Variants in KIAA1671 observed in about 807,000 individuals in gnomAD.
The protein encoded by KIAA1671 is KIAA1671.
In KIAA1671, 52 loss-of-function variants were observed where a neutral mutation model predicts 131.2. That is an observed-to-expected ratio of 0.40 (90% CI 0.32 to 0.50). KIAA1671 has a LOEUF of 0.50. KIAA1671 is among the 20% of genes least tolerant of loss of function. The pLI is 0.73. For synonymous variants in KIAA1671, 1,003 were observed against 961.6 expected, an observed-to-expected ratio of 1.04 and a Z score of -0.80; for missense variants, 2,360 against 2,364.2, an observed-to-expected ratio of 1.00 and a Z score of 0.04.
rs1041638333 is a variant in KIAA1671 at position 25,039,380 on chromosome 22, G to C, written c.2250G>C (p.Pro750=). Reference sequence around the variant, plus strand: ...GTGTGCACAGCGAGGCCATCTCACCGGCACCGGAGGAGAAAGCGGTCACGC... The same window carrying C: ...GTGTGCACAGCGAGGCCATCTCACCCGCACCGGAGGAGAAAGCGGTCACGC... ...GERVHSEAIS[P]APEEKAVTLR... The change falls in exon 5 of 13, where the codon CCG becomes CCC. Residue 750 remains proline, a synonymous_variant. Transcript: ENST00000358431. 27 of 1,551,704 alleles carry C rather than the reference G, an allele frequency of 1.7e-5. No individual in the cohort carries two copies. Among genetic ancestry groups the C allele is most frequent in the Middle Eastern group, 3.3e-4 (2 of 6,014 alleles).
chr22:25,085,202 T>G (rs1247178257), intron 6 of KIAA1671, among the ~76,000 whole-genome samples: 1 of 152,206 alleles, frequency 6.6e-6, no homozygotes, highest in Admixed American at 6.5e-5. Context: ...GCCAGGGACT[T>G]CATGTGGACG....
intron 6 of KIAA1671, chr22:25,069,967 G>A (rs150835666): frequency 2.1e-4 from 37 of 173,608 alleles, no homozygotes; most frequent in East Asian, 1.4e-3. Context: ...ACACACACAC[G>A]CGTGCACACA....
intron 6 of KIAA1671, among the ~76,000 whole-genome samples, chr22:25,075,059 A>G (rs1187216910): frequency 1.3e-5 from 2 of 152,224 alleles, no homozygotes; most frequent in Non-Finnish European, 2.9e-5. Context: ...TACTATAACC[A>G]TGGTTCAGTT....
At chr22:25,108,341 G>A (rs1264517723) in intron 6 of KIAA1671, among the ~76,000 whole-genome samples, 1 of 152,214 alleles carries the variant, frequency 6.6e-6, no homozygotes, top group Non-Finnish European at 1.5e-5. Context: ...TATTTCTGGT[G>A]TGACTTTTCT....
In KIAA1671 at chr22:25,171,006, C is replaced by T. The variant is rs535104086; in HGVS notation, c.4649+68C>T. 4.2e-5 allele frequency: 52 copies of T among 1,232,794 alleles called. No individual in the cohort carries two copies. The South Asian group carries it at 5.7e-4, about 13-fold the overall frequency. The allele number at this position is 1,232,794 out of a possible 1,614,324, so 76.4% of individuals were successfully genotyped here. ...TGGGCTGGAGTTGCTGCAGCCCACCCACCTCCTGATTTCTATATTGCTAAA... is the reference window on the plus strand; with the variant it reads ...TGGGCTGGAGTTGCTGCAGCCCACCTACCTCCTGATTTCTATATTGCTAAA... On this transcript the variant is annotated intron_variant, in intron 7 of 12. Coordinates refer to ENST00000358431, the MANE Select transcript of KIAA1671 (RefSeq NM_001145206.2).
At chr22:25,134,800 C>G (rs1415682322) in intron 6 of KIAA1671, among the ~76,000 whole-genome samples, 2 of 152,204 alleles carry the variant, frequency 1.3e-5, no homozygotes, top group Admixed American at 1.3e-4. Flanking sequence ...CTTGCCAGCT[C>G]TGTAACCTGG....
chr22:25,000,622 T>A (rs970406018), intron 1 of KIAA1671, among the ~76,000 whole-genome samples: 17 of 151,812 alleles, frequency 1.1e-4, no homozygotes, highest in Non-Finnish European at 2.4e-4. Flanking sequence ...GTTCAAACTA[T>A]TCTCATGCCT....
intron 6 of KIAA1671, among the ~76,000 whole-genome samples, chr22:25,085,792 AG>A (rs2145870847): frequency 1.0e-5 from 1 of 99,748 alleles, no homozygotes; most frequent in African/African-American, 3.9e-5. Flanking sequence ...GAAGGGAGGG[AG>A]GGAGGGAGGG....
chr22:25,005,058 T>C (rs1924673157), intron 1 of KIAA1671, among the ~76,000 whole-genome samples: 1 of 146,884 alleles, frequency 6.8e-6, no homozygotes, highest in South Asian at 2.2e-4. Flanking sequence ...ATATTAGAAA[T>C]GGAAAGGTTG....
intron 1 of KIAA1671, among the ~76,000 whole-genome samples, chr22:24,997,507 T>TA (rs1924200216): frequency 1.3e-5 from 2 of 152,032 alleles, no homozygotes; most frequent in Non-Finnish European, 2.9e-5. Flanking sequence ...ATAAGTGAGT[T>TA]AGGAGCTGGG....
chr22:25,178,299 A>C (rs1234741677), intron 9 of KIAA1671, among the ~76,000 whole-genome samples: 1 of 152,154 alleles, frequency 6.6e-6, no homozygotes. Context: ...CTGGGTGCCA[A>C]GTGGGAAGGG....
At chr22:25,081,307 C>CA (rs1929393319) in intron 6 of KIAA1671, among the ~76,000 whole-genome samples, 1 of 152,214 alleles carries the variant, frequency 6.6e-6, no homozygotes. Flanking sequence ...GCTTCAGAGT[C>CA]AGACAGATGT....
At position 24,952,985 on chromosome 22, in the gene KIAA1671, G is replaced by C. The variant is rs892562456; in HGVS notation, c.-208+213G>C. On this transcript the variant is annotated intron_variant, in intron 1 of 12. Coordinates refer to ENST00000358431, the MANE Select transcript of KIAA1671 (RefSeq NM_001145206.2). This position sits in a 1 kb window ranked among gnomAD's most constrained non-coding sequence, Gnocchi z 4.5. Reference sequence around the variant, plus strand: ...CGGGTCTGCAGGGAGGGAGGATCCCGGTTTGGGAGCCGGGGAATCCGTCTC... The same window carrying C: ...CGGGTCTGCAGGGAGGGAGGATCCCCGTTTGGGAGCCGGGGAATCCGTCTC... Among the ~76,000 whole-genome samples the C allele has an allele frequency of 5.3e-5, 8 of 152,228 alleles. No homozygotes were observed. Among genetic ancestry groups the C allele is most frequent in the Non-Finnish European group, 1.0e-4 (7 of 68,042 alleles).
intron 6 of KIAA1671, among the ~76,000 whole-genome samples, chr22:25,090,705 C>T (rs116871386): frequency 1.9e-3 from 285 of 152,322 alleles, no homozygotes; most frequent in East Asian, 0.014. Flanking sequence ...ATTGGGTACA[C>T]GTAGCACCTT....
At chr22:25,156,712 G>T (rs1568984758) in intron 6 of KIAA1671, among the ~76,000 whole-genome samples, 1 of 152,078 alleles carries the variant, frequency 6.6e-6, no homozygotes, top group East Asian at 1.9e-4. Context: ...TGTATGTGTG[G>T]ATCTGTGTGT....
Position 25,182,303 on chromosome 22 carries a change from C to T in KIAA1671, c.5199+480C>T, listed in dbSNP as rs117164303. On this transcript the variant is annotated intron_variant, in intron 10 of 12. Transcript: ENST00000358431. ...CTCCCTTCCTACCTCTTTCTCTTTCCTCCCTCCCTTTCTCCTTCCTTTTCT... is the reference window on the plus strand; with the variant it reads ...CTCCCTTCCTACCTCTTTCTCTTTCTTCCCTCCCTTTCTCCTTCCTTTTCT... 2.4e-4 allele frequency among the ~76,000 whole-genome samples: 35 copies of T among 148,562 alleles called. No homozygotes were observed. The East Asian group carries it at 6.3e-3, about 27-fold the overall frequency.
At chr22:24,957,157 G>A (rs1163103461) in intron 1 of KIAA1671, among the ~76,000 whole-genome samples, 2 of 152,122 alleles carry the variant, frequency 1.3e-5, no homozygotes, top group Non-Finnish European at 2.9e-5. Flanking sequence ...AGTTCCAGGT[G>A]GGTGGTGCTT....
chr22:25,040,038 C>A lies in KIAA1671; in HGVS notation c.2908C>A (p.Pro970Thr), dbSNP rs2145805889. The change falls in exon 5 of 13, where the codon CCA becomes ACA. Residue 970 changes from proline (P) to threonine (T), a missense_variant. Coordinates refer to ENST00000358431, the MANE Select transcript of KIAA1671 (RefSeq NM_001145206.2). The part of the protein sequence containing the change: ...TFSSLVPEDS[P>T]HVGHRRTDYV... ...CAGTTCTCTTGTCCCAGAGGACTCTCCACATGTGGGGCACAGACGAACAGA... is the reference window on the plus strand; with the variant it reads ...CAGTTCTCTTGTCCCAGAGGACTCTACACATGTGGGGCACAGACGAACAGA... The A allele has an allele frequency of 6.4e-7, 1 of 1,551,726 alleles. No individual in the cohort carries two copies. The highest frequency in any genetic ancestry group is 2.4e-5 in the East Asian group (1 of 40,906).
chr22:25,148,986 T>C (rs1417118038), intron 6 of KIAA1671, among the ~76,000 whole-genome samples: 4 of 152,226 alleles, frequency 2.6e-5, no homozygotes, highest in Admixed American at 2.6e-4. Context: ...AAGCTCCTTG[T>C]ATCATCCTGC....
Sources: allele counts gnomAD v4.1 joint callset (sites outside exome capture counted in the v4.1 genomes callset), GRCh38; gene constraint gnomAD v4.1.1; non-coding constraint Gnocchi (gnomAD v3.1); transcripts MANE v1.5; gene names NCBI Gene and HGNC (gene_info 2026-07-23, HGNC 2026-07-21).